DTYMK: variants seen among roughly 807,000 people sequenced by gnomAD.
The protein encoded by DTYMK is thymidylate kinase.
Under a neutral mutation model 20.3 loss-of-function variants are expected in DTYMK, and 20 were observed. The observed-to-expected ratio is 0.99, with a 90% CI of 0.69 to 1.43. The LOEUF (loss-of-function observed/expected upper bound fraction) is 1.43. Among genes scored for constraint, DTYMK ranks in the 40% most tolerant of loss-of-function variants. The pLI is 0.00. For synonymous variants in DTYMK, 148 were observed against 124.4 expected (o/e 1.19, Z -1.27); for missense variants, 320 against 291.1 (o/e 1.10, Z -0.72).
At chr2:241,679,095 T>G (rs1250425852) in intron 3 of DTYMK, among the ~76,000 whole-genome samples, 2 of 152,140 alleles carry the variant, frequency 1.3e-5, no homozygotes, top group Non-Finnish European at 2.9e-5. Flanking sequence ...TCCTCTCCCG[T>G]GGAAGAGCAG....
chr2:241,681,539 G>A (rs2069257340), intron 2 of DTYMK, among the ~76,000 whole-genome samples: 1 of 151,776 alleles, frequency 6.6e-6, no homozygotes, highest in East Asian at 1.9e-4. Flanking sequence ...AAAAGTGGGG[G>A]AAAAAAAAGA....
In DTYMK at chr2:241,685,838, A is replaced by G; in HGVS notation, c.170T>C (p.Leu57Ser). Residue 57 changes from leucine to serine, a missense_variant, in exon 2 of 5, where the codon TTG becomes TCG. Physicochemically the swap from Leu to Ser is moderately radical, Grantham distance 145 (BLOSUM62 -2). Transcript: ENST00000305784. Reference protein sequence around the residue: ...TEIGKLLSSYLQKKSDVEDHS... With the variant: ...TEIGKLLSSYSQKKSDVEDHS... ...ATCCTCCACGTCACTTTTCTTTTGC[A>G]AGTAGGAACTCAGAAGTTTGCCGAT... The G allele has an allele frequency of 6.2e-7, 1 of 1,614,208 alleles. No individual in the cohort carries two copies. The highest frequency in any genetic ancestry group is 8.5e-7 in the Non-Finnish European group (1 of 1,180,024).
chr2:241,685,516 T>C, intron 2 of DTYMK: 1 of 333,784 alleles, frequency 3.0e-6, no homozygotes, highest in Middle Eastern at 8.6e-4. Context: ...AGAGCGGAAC[T>C]CCGTCTAAAA....
chr2:241,679,820 T>C (rs2069197657), intron 3 of DTYMK, among the ~76,000 whole-genome samples: 2 of 150,410 alleles, frequency 1.3e-5, no homozygotes, highest in African/African-American at 2.4e-5. Flanking sequence ...AGTATGAAAA[T>C]TAGCTGGGCA....
At chr2:241,678,359 C>T (rs1268114552) in intron 4 of DTYMK, 93 bp downstream of exon 4, 1 of 1,552,166 alleles carries the variant, frequency 6.4e-7, no homozygotes, top group East Asian at 2.3e-5. Context: ...ACGGAAACGG[C>T]AGCAGCTTTG....
At chr2:241,680,087 A>T in intron 3 of DTYMK, 142 bp downstream of exon 3, 1 of 714,928 alleles carries the variant, frequency 1.4e-6, no homozygotes, top group Non-Finnish European at 2.3e-6. Flanking sequence ...AAACCAAATT[A>T]ATCTAGCAAA....
At position 241,684,066 on chromosome 2, in the gene DTYMK, C is replaced by A. The variant is rs542072207; in HGVS notation, c.239+1703G>T. 3.6e-3 allele frequency among the ~76,000 whole-genome samples: 539 copies of A among 151,800 alleles called. 3 individuals carry two copies. Among genetic ancestry groups the A allele is most frequent in the Middle Eastern group, 6.8e-3 (2 of 294 alleles). On this transcript the variant is annotated intron_variant, in intron 2 of 4. Coordinates refer to ENST00000305784, the MANE Select transcript of DTYMK (RefSeq NM_012145.4). Reference sequence around the variant, plus strand: ...AACGAGACTCTTGTCTCAAAAAAAACCAAAACAAAACAACAAAAAAAAACT... The same window carrying A: ...AACGAGACTCTTGTCTCAAAAAAAAACAAAACAAAACAACAAAAAAAAACT...
In DTYMK at chr2:241,677,710, T is replaced by C. The variant is rs2069149101; in HGVS notation, c.528+742A>G. ...ACTGGGAGGGGAGAGTCCAGCGTCC[T>C]GGGAGCAGAGCCAGACCTGGGACTG... On this transcript the variant is annotated intron_variant, in intron 4 of 4. Coordinates refer to ENST00000305784, the MANE Select transcript of DTYMK (RefSeq NM_012145.4). Among the ~76,000 whole-genome samples the C allele has an allele frequency of 4.6e-5, 7 of 152,290 alleles. No individual in the cohort carries two copies. The South Asian group carries it at 1.5e-3, about 32-fold the overall frequency.
At chr2:241,679,625 C>G (rs930953049) in intron 3 of DTYMK, among the ~76,000 whole-genome samples, 1 of 150,760 alleles carries the variant, frequency 6.6e-6, no homozygotes, top group Non-Finnish European at 1.5e-5. Flanking sequence ...GGGAGACGCC[C>G]TCTTTCAAAA....
intron 2 of DTYMK, among the ~76,000 whole-genome samples, chr2:241,680,875 C>T (rs2125164197): frequency 6.6e-6 from 1 of 152,252 alleles, no homozygotes; most frequent in South Asian, 2.1e-4. Context: ...TGGTAAAGTT[C>T]AATGTTCCAG....
chr2:241,679,734 T>C lies in DTYMK; in HGVS notation c.330+495A>G, dbSNP rs547000572. ...CTGTAATCCTAGCACTTTGGGAGGC[T>C]GAGATGAGTGGATCACTTGAGGTCA... On this transcript the variant is annotated intron_variant, in intron 3 of 4. Transcript: ENST00000305784. Among the ~76,000 whole-genome samples, 34 of 152,214 alleles carry C rather than the reference T, an allele frequency of 2.2e-4. 1 individual carries two copies. The highest frequency in any genetic ancestry group is 8.2e-4 in the African/African-American group (34 of 41,532).
At chr2:241,686,435 G>A (rs2069407918) in intron 1 of DTYMK, among the ~76,000 whole-genome samples, 1 of 152,158 alleles carries the variant, frequency 6.6e-6, no homozygotes, top group South Asian at 2.1e-4. Flanking sequence ...CCGGGAGGCT[G>A]AGGCGGGAGG....
chr2:241,686,734 G>T lies in DTYMK; in HGVS notation c.50C>A (p.Ala17Asp), dbSNP rs2069425613. Residue 17 changes from alanine (A) to aspartate (D), a missense_variant, in exon 1 of 5, where the codon GCC becomes GAC. Coordinates refer to ENST00000305784, the MANE Select transcript of DTYMK (RefSeq NM_012145.4). ...CTTGCGGCTCTGCGTGCTCTTCCCGGCGCGGTCCACGCCCTCCAGCACTAT... is the reference window on the plus strand; with the variant it reads ...CTTGCGGCTCTGCGTGCTCTTCCCGTCGCGGTCCACGCCCTCCAGCACTAT... Reference protein sequence around the residue: ...ALIVLEGVDRAGKSTQSRKLV... With the variant: ...ALIVLEGVDRDGKSTQSRKLV... 1 of 1,546,536 alleles carries T rather than the reference G, an allele frequency of 6.5e-7. No individual in the cohort carries two copies. The highest frequency in any genetic ancestry group is 8.6e-7 in the Non-Finnish European group (1 of 1,159,704).
At chr2:241,677,046 C>G (rs1166333411) in intron 4 of DTYMK, among the ~76,000 whole-genome samples, 1 of 152,256 alleles carries the variant, frequency 6.6e-6, no homozygotes, top group Non-Finnish European at 1.5e-5. Context: ...CGCAGGACAG[C>G]CTTCTCTCCA....
chr2:241,675,908 T>C lies in DTYMK; in HGVS notation c.*219A>G, dbSNP rs2069100932. ...GACAGGGGAGAGGGCAGGAGACTGC[T>C]CCATCGCTCTGCTCATGTCCACACT... is the stretch of plus-strand genomic sequence containing the variant. On this transcript the variant is annotated 3_prime_UTR_variant, in exon 5 of 5. Coordinates refer to ENST00000305784, the MANE Select transcript of DTYMK (RefSeq NM_012145.4). The C allele has an allele frequency of 4.1e-6, 2 of 482,316 alleles. No individual in the cohort carries two copies. The highest frequency in any genetic ancestry group is 6.2e-5 in the South Asian group (2 of 32,106). 29.9% of individuals were successfully genotyped at this position (482,316 alleles called of 1,614,324 possible).
chr2:241,682,555 A>G (rs2069284387), intron 2 of DTYMK, among the ~76,000 whole-genome samples: 3 of 152,218 alleles, frequency 2.0e-5, no homozygotes, highest in African/African-American at 7.2e-5. Flanking sequence ...TGGGAGGCGG[A>G]GGCAGGCTCA....
intron 2 of DTYMK, 173 bp downstream of exon 2, chr2:241,685,595 GC>G (rs2124833295): frequency 1.7e-6 from 1 of 593,130 alleles, no homozygotes; most frequent in East Asian, 2.8e-5. Flanking sequence ...GCATTCATTA[GC>G]GCCCTTTGGG....
In DTYMK at chr2:241,675,787, G is replaced by C. The variant is rs1044544500; in HGVS notation, c.*340C>G. 2 of 179,458 alleles carry C rather than the reference G, an allele frequency of 1.1e-5. No homozygotes were observed. Among genetic ancestry groups the C allele is most frequent in the African/African-American group, 4.7e-5 (2 of 42,538 alleles). 11.1% of individuals were successfully genotyped at this position (179,458 alleles called of 1,614,324 possible). A position where few individuals can be genotyped will look rare whatever the true frequency, so the allele number is the denominator to read the frequency against. ...TTACTAGTGTCTGGAAGACATTTAG[G>C]AGAATTCCAACTGATTACCATTTAC... On this transcript the variant is annotated 3_prime_UTR_variant, in exon 5 of 5. Transcript: ENST00000305784.
chr2:241,686,643 C>A lies in DTYMK; in HGVS notation c.130+11G>T. ...GAAGGCCGCGGCGCACCCCCCGCCG[C>A]GCGCACCCACCCGGGAACCGGAGCA... On this transcript the variant is annotated intron_variant, in intron 1 of 4. Transcript: ENST00000305784. 6.7e-7 allele frequency: 1 copy of A among 1,501,598 alleles called. No individual in the cohort carries two copies. The highest frequency in any genetic ancestry group is 1.3e-5 in the South Asian group (1 of 79,856). The allele number at this position is 1,501,598 out of a possible 1,614,324, so 93.0% of individuals were successfully genotyped here. A position where few individuals can be genotyped will look rare whatever the true frequency, so the allele number is the denominator to read the frequency against.
Sources: allele counts gnomAD v4.1 joint callset (sites outside exome capture counted in the v4.1 genomes callset), GRCh38; gene constraint gnomAD v4.1.1; transcripts MANE v1.5; gene names NCBI Gene and HGNC (gene_info 2026-07-23, HGNC 2026-07-21).